The following NHLRC2 variants were observed in gnomAD, a reference collection of about 807,000 sequenced individuals.
NHLRC2 encodes NHL repeat containing 2.
A neutral mutation model predicts 68.1 loss-of-function variants in NHLRC2; 33 were observed. The observed-to-expected ratio is 0.48, with a 90% CI of 0.37 to 0.65. The LOEUF (loss-of-function observed/expected upper bound fraction) is 0.65. NHLRC2 is among the 30% of genes least tolerant of loss of function. NHLRC2 has a pLI of 0.00. For missense variants in NHLRC2, 761 were observed against 853.8 expected, an observed-to-expected ratio of 0.89 and a Z score of 1.35; for synonymous variants, 311 against 309.6, an observed-to-expected ratio of 1.00 and a Z score of -0.05.
chr10:113,864,184 G>C (rs915569258), intron 2 of NHLRC2, among the ~76,000 whole-genome samples: 2 of 152,176 alleles, frequency 1.3e-5, no homozygotes, highest in Non-Finnish European at 2.9e-5. Context: ...AGAGTAATCT[G>C]AATCATAGAG....
intron 3 of NHLRC2, among the ~76,000 whole-genome samples, chr10:113,877,428 G>T (rs565653844): frequency 6.6e-6 from 1 of 152,174 alleles, no homozygotes; most frequent in East Asian, 1.9e-4. Context: ...AAATAAGCTA[G>T]AATTTGTGCA....
intron 2 of NHLRC2, among the ~76,000 whole-genome samples, chr10:113,873,141 T>G (rs1159642167): frequency 1.3e-5 from 2 of 152,182 alleles, no homozygotes; most frequent in Admixed American, 1.3e-4. Flanking sequence ...GGAATCTTAA[T>G]GAGTGTAAAC....
At chr10:113,866,434 T>A (rs1014067549) in intron 2 of NHLRC2, among the ~76,000 whole-genome samples, 9 of 152,196 alleles carry the variant, frequency 5.9e-5, no homozygotes, top group Admixed American at 2.0e-4. Context: ...TTGAACATAA[T>A]GGCTATTATC....
intron 4 of NHLRC2, among the ~76,000 whole-genome samples, chr10:113,882,162 G>A (rs1176362364): frequency 6.6e-6 from 1 of 151,732 alleles, no homozygotes; most frequent in African/African-American, 2.4e-5. Flanking sequence ...ATCTTGCTGT[G>A]AGCATTGATA....
At chr10:113,882,710 G>T (rs1846046262) in intron 4 of NHLRC2, among the ~76,000 whole-genome samples, 3 of 151,568 alleles carry the variant, frequency 2.0e-5, no homozygotes, top group Admixed American at 1.3e-4. Flanking sequence ...TGACTGATTT[G>T]TCCATTTTTT....
rs966721617 is a variant in NHLRC2 at position 113,908,367 on chromosome 10, A to T, written c.2012A>T (p.Asp671Val). ...CCAACAATTTCACTACAAATTCCTG[A>T]TGATTGCTTATCACTTGAAGCCATT... is the stretch of plus-strand genomic sequence containing the variant. ...SQPTISLQIPDDCLSLEAIVS... is the reference protein window; with the variant it reads ...SQPTISLQIPVDCLSLEAIVS... The change falls in exon 11 of 11, where the codon GAT becomes GTT. Residue 671 changes from aspartate (D) to valine (V), a missense_variant. Coordinates refer to ENST00000369301, the MANE Select transcript of NHLRC2 (RefSeq NM_198514.4). 1.2e-6 allele frequency: 2 copies of T among 1,613,888 alleles called. No individual in the cohort carries two copies. Among genetic ancestry groups the T allele is most frequent in the African/African-American group, 2.7e-5 (2 of 74,930 alleles).
chr10:113,886,051 C>G (rs1846079902), intron 5 of NHLRC2, among the ~76,000 whole-genome samples: 1 of 151,808 alleles, frequency 6.6e-6, no homozygotes, highest in Non-Finnish European at 1.5e-5. Context: ...TTGAAGATTA[C>G]AAAATCAACA....
In NHLRC2 at chr10:113,854,992, G is replaced by T; in HGVS notation, c.120G>T (p.Gln40His). 6.4e-7 allele frequency: 1 copy of T among 1,553,498 alleles called. No individual in the cohort carries two copies. The change falls in exon 1 of 11, where the codon CAG becomes CAT. Residue 40 changes from glutamine (Q) to histidine (H), a missense_variant. Physicochemically the swap from Gln to His is conservative, Grantham distance 24 (BLOSUM62 0). Transcript: ENST00000369301. The stretch of plus-strand genomic sequence containing the variant: ...AGGAGAAGGACAGCCTGGTCTACCA[G>T]TATCTGCAGAAGGTGGACGGCTGGG... Reference protein sequence around the residue: ...TQQEKDSLVYQYLQKVDGWEQ... With the variant: ...TQQEKDSLVYHYLQKVDGWEQ...
chr10:113,881,718 T>C (rs1846037567), intron 4 of NHLRC2, among the ~76,000 whole-genome samples: 1 of 151,822 alleles, frequency 6.6e-6, no homozygotes, highest in African/African-American at 2.4e-5. Context: ...ATATTTTATG[T>C]ATCATAAAGT....
chr10:113,905,233 A>G (rs1846266113), intron 10 of NHLRC2, among the ~76,000 whole-genome samples, 197 bp downstream of exon 10: 1 of 152,230 alleles, frequency 6.6e-6, no homozygotes, highest in African/African-American at 2.4e-5. Flanking sequence ...TTATTAAAGA[A>G]CAGTGTAACT....
At chr10:113,898,417 G>C (rs555205518) in intron 6 of NHLRC2, among the ~76,000 whole-genome samples, 1 of 152,214 alleles carries the variant, frequency 6.6e-6, no homozygotes, top group Non-Finnish European at 1.5e-5. Context: ...CTGTTGCCCA[G>C]GCTGATGAAA....
Position 113,902,978 on chromosome 10 carries a change from T to C in NHLRC2, c.1494+385T>C, listed in dbSNP as rs140721404. On this transcript the variant is annotated intron_variant, in intron 8 of 10. Coordinates refer to ENST00000369301, the MANE Select transcript of NHLRC2 (RefSeq NM_198514.4). The stretch of plus-strand genomic sequence containing the variant: ...GTGCTTGTTAGTAAATAATTTTGTT[T>C]TCAGCATTTCCATTTTTGTCTATTA... Among the ~76,000 whole-genome samples the C allele has an allele frequency of 6.6e-5, 10 of 152,370 alleles. No homozygotes were observed. In the East Asian group the frequency reaches 1.7e-3, roughly 26 times the overall value.
rs111937693 is a variant in NHLRC2, at chr10:113,864,348, T to C, written c.331+5668T>C. Among the ~76,000 whole-genome samples the C allele has an allele frequency of 5.5e-3, 841 of 152,230 alleles. 9 individuals carry two copies. The highest frequency in any genetic ancestry group is 0.019 in the African/African-American group (798 of 41,536). ...CAGCAATAGGAATGTCCTAAATACC[T>C]TGAACTGTACACTTAACAAACGGTT... On this transcript the variant is annotated intron_variant, in intron 2 of 10. Transcript: ENST00000369301.
Position 113,913,627 on chromosome 10 carries a change from C to T in NHLRC2, c.*5091C>T, listed in dbSNP as rs1369815960. 6.6e-6 allele frequency: 1 copy of T among 152,078 alleles called. No homozygotes were observed. The highest frequency in any genetic ancestry group is 1.5e-5 in the Non-Finnish European group (1 of 68,012). The allele number at this position is 152,078 out of a possible 1,614,324, so 9.4% of individuals were successfully genotyped here. ...GCCTTTTGCACAGGACTATCTCAAA[C>T]CCTAAGAAGCTATTCATATTTAAGA... On this transcript the variant is annotated 3_prime_UTR_variant, in exon 11 of 11. Transcript: ENST00000369301.
intron 6 of NHLRC2, among the ~76,000 whole-genome samples, chr10:113,900,410 C>T (rs998750249): frequency 6.6e-6 from 1 of 152,110 alleles, no homozygotes; most frequent in East Asian, 1.9e-4. Context: ...TGGGTGATGG[C>T]TGTTTTAGGC....
intron 5 of NHLRC2, among the ~76,000 whole-genome samples, chr10:113,887,149 G>A (rs1240460761): frequency 6.6e-6 from 1 of 152,092 alleles, no homozygotes; most frequent in Non-Finnish European, 1.5e-5. Context: ...GAGAATTAAA[G>A]CAATGATGTG....
At chr10:113,903,793 C>T in intron 9 of NHLRC2, 57 bp downstream of exon 9, 1 of 1,000,624 alleles carries the variant, frequency 1.0e-6, no homozygotes, top group South Asian at 1.3e-5. Flanking sequence ...ATACTAAGAT[C>T]CTCACAGCAC....
rs1564853201 is a variant in NHLRC2, at chr10:113,876,929, G to A, written c.740G>A (p.Arg247Lys). 2 of 1,604,708 alleles carry A rather than the reference G, an allele frequency of 1.2e-6. No homozygotes were observed. Among genetic ancestry groups the A allele is most frequent in the East Asian group, 2.2e-5 (1 of 44,808 alleles). The change falls in exon 3 of 11, where the codon AGA becomes AAA. Residue 247 changes from arginine (R) to lysine (K), a missense_variant. Coordinates refer to ENST00000369301, the MANE Select transcript of NHLRC2 (RefSeq NM_198514.4). ...RLVIADTGHH[R>K]ILVVWKNGQI... ...GTAATAGCAGACACTGGACATCATA[G>A]AATTTTGGTCGTTTGGAAGAATGGA...
Position 113,912,760 on chromosome 10 carries a change from C to T in NHLRC2, c.*4224C>T, listed in dbSNP as rs974630254. On this transcript the variant is annotated 3_prime_UTR_variant, in exon 11 of 11. Transcript: ENST00000369301. ...GGAGACAGCTTTGGAATAGTGGTGACGTATCTGAAGAATAGAAAACCGGAA... is the reference window on the plus strand; with the variant it reads ...GGAGACAGCTTTGGAATAGTGGTGATGTATCTGAAGAATAGAAAACCGGAA... 7 of 152,178 alleles carry T rather than the reference C, an allele frequency of 4.6e-5. No individual in the cohort carries two copies. The highest frequency in any genetic ancestry group is 1.7e-4 in the African/African-American group (7 of 41,436). 9.4% of individuals were successfully genotyped at this position (152,178 alleles called of 1,614,324 possible).
Sources: allele counts gnomAD v4.1 joint callset (sites outside exome capture counted in the v4.1 genomes callset), GRCh38; gene constraint gnomAD v4.1.1; transcripts MANE v1.5; gene names NCBI Gene and HGNC (gene_info 2026-07-23, HGNC 2026-07-21).